The following ITPR2 variants were observed in gnomAD, a reference collection of about 807,000 sequenced individuals.
The protein encoded by ITPR2 is inositol 1,4,5-trisphosphate receptor type 2, also known as inositol 1,4,5-trisphosphate-gated calcium channel ITPR2.
Under a neutral mutation model 317.1 loss-of-function variants are expected in ITPR2, and 207 were observed. That is an observed-to-expected ratio of 0.65 (90% CI 0.58 to 0.73). The LOEUF (loss-of-function observed/expected upper bound fraction) is 0.73, where lower values mean the gene tolerates loss of function less well. Among genes scored for constraint, ITPR2 ranks in the 30% least tolerant of loss-of-function variants. ITPR2 has a pLI of 0.00. For missense variants in ITPR2, 2,613 were observed against 3,284.0 expected, an observed-to-expected ratio of 0.80 and a Z score of 4.99; for synonymous variants, 1,156 against 1,149.1, an observed-to-expected ratio of 1.01 and a Z score of -0.12.
At chr12:26,821,241 T>A (rs1950933666) in intron 1 of ITPR2, among the ~76,000 whole-genome samples, 1 of 152,188 alleles carries the variant, frequency 6.6e-6, no homozygotes, top group African/African-American at 2.4e-5. Context: ...TTGTTCTCTT[T>A]CTCCCATACC....
chr12:26,829,730 C>G (rs1165670016), intron 1 of ITPR2, among the ~76,000 whole-genome samples: 1 of 152,138 alleles, frequency 6.6e-6, no homozygotes, highest in Non-Finnish European at 1.5e-5. Context: ...TTTACTACAA[C>G]TGTCCTTTGA....
chr12:26,489,479 CCTATCT>C (rs568344134), intron 39 of ITPR2, among the ~76,000 whole-genome samples: 2 of 152,206 alleles, frequency 1.3e-5, no homozygotes, highest in Non-Finnish European at 2.9e-5. Flanking sequence ...CGGTTTGAAA[CCTATCT>C]CTATCTCTAA....
In ITPR2 at chr12:26,486,832, G is replaced by T. The variant is rs191076058; in HGVS notation, c.5554+236C>A. ...TACTATTTACCATGCATGCCACAAT[G>T]AAATCAAACATCTTTCATGCCGTTG... On this transcript the variant is annotated intron_variant, in intron 40 of 56. Transcript: ENST00000381340. The T allele has an allele frequency of 6.8e-3, 4,497 of 660,680 alleles. 31 individuals carry two copies. Among genetic ancestry groups the T allele is most frequent in the South Asian group, 0.014 (931 of 66,430 alleles). The allele number at this position is 660,680 out of a possible 1,614,324, so 40.9% of individuals were successfully genotyped here. A position where few individuals can be genotyped will look rare whatever the true frequency, so the allele number is the denominator to read the frequency against.
intron 13 of ITPR2, among the ~76,000 whole-genome samples, chr12:26,667,872 G>A (rs1015603513): frequency 1.3e-5 from 2 of 151,740 alleles, no homozygotes; most frequent in African/African-American, 4.8e-5. Flanking sequence ...AATTGGTGAC[G>A]GTTAATGGAA....
intron 13 of ITPR2, among the ~76,000 whole-genome samples, chr12:26,679,472 G>A (rs917370521): frequency 3.9e-5 from 6 of 152,102 alleles, no homozygotes; most frequent in Non-Finnish European, 8.8e-5. Flanking sequence ...GACCCTGCAG[G>A]AGCCTTTCAA....
In ITPR2 at chr12:26,831,203, C is replaced by G. The variant is rs2137316579; in HGVS notation, c.92+1487G>C. 1.3e-5 allele frequency among the ~76,000 whole-genome samples: 2 copies of G among 152,306 alleles called. 1 individual carries two copies. Among genetic ancestry groups the G allele is most frequent in the South Asian group, 4.1e-4 (2 of 4,830 alleles). ...AGTGGTAGCTCATGATTCACAAACC[C>G]AGCAGAAGCGCTTGGCACTAACGTG... On this transcript the variant is annotated intron_variant, in intron 1 of 56. Transcript: ENST00000381340. The surrounding 1 kb of genome is among the most constrained non-coding windows in gnomAD (Gnocchi z 4.9).
rs149539146 is a variant in ITPR2, at chr12:26,557,937, T to C, written c.4822-1562A>G. Among the ~76,000 whole-genome samples, 15 of 152,246 alleles carry C rather than the reference T, an allele frequency of 9.9e-5. No individual in the cohort carries two copies. The East Asian group carries it at 2.1e-3, about 22-fold the overall frequency. On this transcript the variant is annotated intron_variant, in intron 35 of 56. Coordinates refer to ENST00000381340, the MANE Select transcript of ITPR2 (RefSeq NM_002223.4). ...TGGCATATTTTTATCAAGCAGAACATTGCCAATTGCTTATTGTCACTCTTA... is the reference window on the plus strand; with the variant it reads ...TGGCATATTTTTATCAAGCAGAACACTGCCAATTGCTTATTGTCACTCTTA...
At chr12:26,361,323 G>T (rs1938824201) in intron 55 of ITPR2, among the ~76,000 whole-genome samples, 1 of 152,034 alleles carries the variant, frequency 6.6e-6, no homozygotes, top group South Asian at 2.1e-4. Context: ...TTATTTATGT[G>T]GTCTAGCTAT....
chr12:26,452,986 A>T (rs1000839387), intron 45 of ITPR2, among the ~76,000 whole-genome samples: 9 of 152,194 alleles, frequency 5.9e-5, no homozygotes, highest in Non-Finnish European at 1.0e-4. Flanking sequence ...TAACAAATAT[A>T]TTAGTTTATG....
chr12:26,649,250 C>G (rs944535557), intron 21 of ITPR2: 12 of 151,918 alleles, frequency 7.9e-5, no homozygotes, highest in African/African-American at 2.2e-4. Context: ...CTTTCCTGCT[C>G]TATTTGAAAG....
At chr12:26,378,464 C>A (rs1391098516) in intron 55 of ITPR2, among the ~76,000 whole-genome samples, 1 of 152,048 alleles carries the variant, frequency 6.6e-6, no homozygotes, top group Admixed American at 6.5e-5. Flanking sequence ...TAGAATGGGG[C>A]CAGACTATAT....
chr12:26,524,017 T>C lies in ITPR2; in HGVS notation c.5073+26230A>G, dbSNP rs74751021. ...ACTGTCACATGCTTTGGGACTTTCA[T>C]AGCAGCAAATAAAACAGGGACCATT... On this transcript the variant is annotated intron_variant, in intron 37 of 56. Transcript: ENST00000381340. Among the ~76,000 whole-genome samples, 51 of 152,288 alleles carry C rather than the reference T, an allele frequency of 3.3e-4. 1 individual carries two copies. In the East Asian group the frequency reaches 9.5e-3, roughly 28 times the overall value.
chr12:26,737,708 C>CA (rs199629301), intron 2 of ITPR2, among the ~76,000 whole-genome samples: 1,978 of 152,192 alleles, frequency 0.013, 46 homozygotes, highest in African/African-American at 0.046. Flanking sequence ...TTACAGAAAC[C>CA]GGAAATTTCA....
intron 49 of ITPR2, among the ~76,000 whole-genome samples, chr12:26,424,253 T>C (rs1343521864): frequency 6.6e-6 from 1 of 152,352 alleles, no homozygotes; most frequent in African/African-American, 2.4e-5. Flanking sequence ...CAGGCTTTAG[T>C]ATCTTCCTTT....
chr12:26,816,737 G>T (rs1273190891), intron 1 of ITPR2, among the ~76,000 whole-genome samples: 6 of 152,126 alleles, frequency 3.9e-5, no homozygotes, highest in African/African-American at 9.7e-5. Flanking sequence ...ATATAGTAAA[G>T]GGGCCTCACA....
chr12:26,748,438 C>G (rs942817307), intron 2 of ITPR2, among the ~76,000 whole-genome samples: 2 of 152,104 alleles, frequency 1.3e-5, no homozygotes, highest in African/African-American at 2.4e-5. Flanking sequence ...TAGGTTGGTG[C>G]AAATGTAATT....
intron 55 of ITPR2, among the ~76,000 whole-genome samples, chr12:26,345,263 T>C (rs1258581448): frequency 6.6e-6 from 1 of 152,184 alleles, no homozygotes; most frequent in Middle Eastern, 3.2e-3. Context: ...CTGATTTTTC[T>C]TCAAAATTAC....
chr12:26,405,355 G>A (rs995599308), intron 52 of ITPR2, among the ~76,000 whole-genome samples: 3 of 152,118 alleles, frequency 2.0e-5, no homozygotes, highest in Admixed American at 2.0e-4. Flanking sequence ...AGAGATAGTG[G>A]TTAAATCTCA....
At chr12:26,605,726 G>C (rs2136757407) in intron 26 of ITPR2, among the ~76,000 whole-genome samples, 1 of 152,292 alleles carries the variant, frequency 6.6e-6, no homozygotes, top group African/African-American at 2.4e-5. Context: ...GCTAAACTCT[G>C]TATGTGTGGG....
Sources: allele counts gnomAD v4.1 joint callset (sites outside exome capture counted in the v4.1 genomes callset), GRCh38; gene constraint gnomAD v4.1.1; non-coding constraint Gnocchi (gnomAD v3.1); transcripts MANE v1.5; gene names NCBI Gene and HGNC (gene_info 2026-07-23, HGNC 2026-07-21).